Variants in AIG1 observed in about 807,000 individuals in gnomAD.
The protein encoded by AIG1 is androgen induced 1, also known as androgen-induced gene 1 protein.
A neutral mutation model predicts 31.4 loss-of-function variants in AIG1; 23 were observed. The observed-to-expected ratio is 0.73, with a 90% CI of 0.53 to 1.04. The LOEUF is 1.04. AIG1 is among the 50% of genes least tolerant of loss of function. AIG1 has a pLI of 0.00. For missense variants in AIG1, 274 were observed against 295.0 expected, an observed-to-expected ratio of 0.93 and a Z score of 0.52; for synonymous variants, 100 against 110.5, an observed-to-expected ratio of 0.90 and a Z score of 0.60.
At chr6:143,152,897 A>G (rs1785367180) in intron 2 of AIG1, among the ~76,000 whole-genome samples, 1 of 152,208 alleles carries the variant, frequency 6.6e-6, no homozygotes. Context: ...AAAGAAAATC[A>G]AACCTAATAG....
intron 3 of AIG1, among the ~76,000 whole-genome samples, chr6:143,223,446 C>T (rs185956600): frequency 1.1e-4 from 16 of 152,306 alleles, no homozygotes; most frequent in Admixed American, 9.2e-4. Context: ...AAGGACAAGA[C>T]TAGTAACTCA....
intron 3 of AIG1, among the ~76,000 whole-genome samples, chr6:143,261,779 A>G (rs550404630): frequency 1.2e-4 from 19 of 152,366 alleles, no homozygotes; most frequent in Admixed American, 1.2e-3. Context: ...CCATTGCTTC[A>G]CAAGATAAAA....
intron 3 of AIG1, among the ~76,000 whole-genome samples, chr6:143,182,406 G>C (rs1282494270): frequency 2.0e-5 from 3 of 152,158 alleles, no homozygotes; most frequent in Non-Finnish European, 4.4e-5. Flanking sequence ...TGAATCAGTA[G>C]ATGTTAATGG....
chr6:143,337,932 G>A, intron 5 of AIG1: 1 of 398,612 alleles, frequency 2.5e-6, no homozygotes, highest in South Asian at 1.3e-4. Context: ...TCTGGTTCTT[G>A]CAAACATTAT....
At chr6:143,227,955 T>C (rs1793136210) in intron 3 of AIG1, among the ~76,000 whole-genome samples, 1 of 152,196 alleles carries the variant, frequency 6.6e-6, no homozygotes, top group Non-Finnish European at 1.5e-5. Flanking sequence ...TCTACCTCCC[T>C]TAACCTCCTC....
rs1036366092 is a variant in AIG1 at position 143,340,522 on chromosome 6, G to A, written c.*846G>A. Among the ~76,000 whole-genome samples the A allele has an allele frequency of 5.3e-5, 8 of 151,760 alleles. No homozygotes were observed. In the South Asian group the frequency reaches 6.2e-4, roughly 12 times the overall value. ...GTCGCCCAGGCTGGAGTACAGTGGC[G>A]TGATCTCAGCTCACGGCAAGCTCCG... On this transcript the variant is annotated 3_prime_UTR_variant, in exon 6 of 6. Coordinates refer to ENST00000357847, the MANE Select transcript of AIG1 (RefSeq NM_016108.4).
chr6:143,080,782 G>T (rs1342733348), intron 1 of AIG1, among the ~76,000 whole-genome samples: 1 of 152,050 alleles, frequency 6.6e-6, no homozygotes, highest in Non-Finnish European at 1.5e-5. Flanking sequence ...AGTATCCAGG[G>T]TTTGGCTCGA....
chr6:143,184,372 C>T (rs1323753429), intron 3 of AIG1, among the ~76,000 whole-genome samples: 2 of 152,198 alleles, frequency 1.3e-5, no homozygotes, highest in African/African-American at 4.8e-5. Context: ...TGTGTCCTTC[C>T]CTGGTCTGTG....
chr6:143,120,881 G>T (rs751341904), intron 1 of AIG1, among the ~76,000 whole-genome samples: 5 of 152,310 alleles, frequency 3.3e-5, no homozygotes, highest in Middle Eastern at 3.4e-3. Flanking sequence ...CTGGAAGGTT[G>T]TGGGTTTACT....
intron 1 of AIG1, among the ~76,000 whole-genome samples, chr6:143,122,968 G>C (rs748533842): frequency 2.0e-5 from 3 of 152,096 alleles, no homozygotes; most frequent in Non-Finnish European, 4.4e-5. Flanking sequence ...CAGTGCCCCA[G>C]TGTCTTGTTG....
rs1253982014 is a variant in AIG1, at chr6:143,180,594, A to G, written c.399+15411A>G. 3.3e-5 allele frequency among the ~76,000 whole-genome samples: 5 copies of G among 152,360 alleles called. No individual in the cohort carries two copies. The East Asian group carries it at 7.7e-4, about 23-fold the overall frequency. Reference sequence around the variant, plus strand: ...TTCAGTGATGCTATAACAGGAAATAACAACAATCAGATAGTGCCTCGGCTT... The same window carrying G: ...TTCAGTGATGCTATAACAGGAAATAGCAACAATCAGATAGTGCCTCGGCTT... On this transcript the variant is annotated intron_variant, in intron 3 of 5. Coordinates refer to ENST00000357847, the MANE Select transcript of AIG1 (RefSeq NM_016108.4).
intron 3 of AIG1, among the ~76,000 whole-genome samples, chr6:143,220,369 T>C (rs780330128): frequency 6.5e-4 from 99 of 152,196 alleles, no homozygotes; most frequent in Admixed American, 4.5e-3. Flanking sequence ...AGAAGAGAGA[T>C]CTTATCTGTC....
chr6:143,173,994 C>A (rs1787894464), intron 3 of AIG1, among the ~76,000 whole-genome samples: 1 of 151,998 alleles, frequency 6.6e-6, no homozygotes, highest in South Asian at 2.1e-4. Flanking sequence ...TATTGAAGTC[C>A]CGCACTATTA....
intron 3 of AIG1, among the ~76,000 whole-genome samples, chr6:143,253,184 C>T (rs1795138650): frequency 6.6e-6 from 1 of 152,230 alleles, no homozygotes; most frequent in South Asian, 2.1e-4. Flanking sequence ...CATTGAAAAA[C>T]ATCTTACAAT....
At position 143,298,776 on chromosome 6, in the gene AIG1, A is replaced by G. The variant is rs1335743067; in HGVS notation, c.515+14551A>G. ...GACTGTCTCTAAAATTGCAGTGGGC[A>G]ATGGGCAGGTCAAACTCATCAGACT... On this transcript the variant is annotated intron_variant, in intron 4 of 5. Transcript: ENST00000357847. The surrounding 1 kb of genome is among the most constrained non-coding windows in gnomAD (Gnocchi z 5.1). 2.0e-5 allele frequency: 3 copies of G among 152,538 alleles called. No homozygotes were observed. The highest frequency in any genetic ancestry group is 4.4e-5 in the Non-Finnish European group (3 of 68,284). The allele number at this position is 152,538 out of a possible 1,614,324, so 9.4% of individuals were successfully genotyped here. A position where few individuals can be genotyped will look rare whatever the true frequency, so the allele number is the denominator to read the frequency against.
At chr6:143,204,198 G>A (rs964962697) in intron 3 of AIG1, among the ~76,000 whole-genome samples, 24 of 152,158 alleles carry the variant, frequency 1.6e-4, no homozygotes, top group African/African-American at 5.8e-4. Context: ...GCTTAGGATT[G>A]TGTTGGTCTG....
intron 3 of AIG1, among the ~76,000 whole-genome samples, chr6:143,250,482 C>T (rs562302988): frequency 4.5e-4 from 68 of 152,194 alleles, no homozygotes; most frequent in Admixed American, 8.5e-4. Context: ...CCTATTATGG[C>T]AAAAGAGTGA....
chr6:143,197,846 T>C (rs1480136324), intron 3 of AIG1, among the ~76,000 whole-genome samples: 2 of 152,234 alleles, frequency 1.3e-5, no homozygotes, highest in Non-Finnish European at 2.9e-5. Flanking sequence ...ACTGTTGCAT[T>C]GCTTGTCAAG....
chr6:143,170,434 G>A (rs1787386659), intron 3 of AIG1, among the ~76,000 whole-genome samples: 1 of 151,908 alleles, frequency 6.6e-6, no homozygotes, highest in African/African-American at 2.4e-5. Context: ...GTCAAGTGCT[G>A]TACCCCGGAG....
Sources: gnomAD v4.1 joint callset for allele counts (sites outside exome capture counted in the v4.1 genomes callset) on GRCh38, gnomAD v4.1.1 for gene constraint, Gnocchi (gnomAD v3.1) non-coding constraint, MANE v1.5 for transcripts, NCBI Gene and HGNC (gene_info 2026-07-23, HGNC 2026-07-21) for gene names.